VILL: variants seen among roughly 807,000 people sequenced by gnomAD.
The protein encoded by VILL is villin-like protein.
Under a neutral mutation model 106.3 loss-of-function variants are expected in VILL, and 102 were observed. The ratio of observed to expected loss-of-function variants is 0.96; its 90% CI spans 0.82 to 1.13. VILL has a LOEUF of 1.13. VILL is among the 50% of genes most tolerant of loss of function. VILL has a pLI of 0.00. For missense variants in VILL, 1,076 were observed against 1,116.6 expected (o/e 0.96, Z 0.52); for synonymous variants, 431 against 440.3 (o/e 0.98, Z 0.27).
intron 14 of VILL, chr3:38,002,960 C>T (rs542547774): frequency 2.7e-5 from 17 of 624,984 alleles, no homozygotes; most frequent in African/African-American, 2.2e-4. Flanking sequence ...CTGGACCCTG[C>T]GAGGGTCCCA....
At position 37,993,725 on chromosome 3, in the gene VILL, T is replaced by A. The variant is rs778785030; in HGVS notation, c.53T>A (p.Ile18Asn). The A allele has an allele frequency of 1.9e-6, 3 of 1,614,052 alleles. No homozygotes were observed. Among genetic ancestry groups the A allele is most frequent in the South Asian group, 2.2e-5 (2 of 91,072 alleles). Residue 18 changes from isoleucine to asparagine, a missense_variant, in exon 2 of 20, where the codon ATC (isoleucine) becomes AAC (asparagine). Ile to Asn is a moderately radical substitution (Grantham distance 149, BLOSUM62 -3). Coordinates refer to ENST00000383759, the MANE Select transcript of VILL (RefSeq NM_015873.4). ...PGMQGGLHIW[I>N]SENRKMVPVP... ...ATGCAGGGAGGCCTCCACATATGGA[T>A]CTCTGAGGTGAGAGGCACGACCAAA...
upstream of VILL, among the ~76,000 whole-genome samples, chr3:37,990,324 A>G (rs1699593821): frequency 6.6e-6 from 1 of 152,038 alleles, no homozygotes; most frequent in African/African-American, 2.4e-5. This position sits in a 1 kb window ranked among gnomAD's most constrained non-coding sequence, Gnocchi z 5.1. Flanking sequence ...AGCCCTGACC[A>G]CCTTCCCCTC....
intron 11 of VILL, among the ~76,000 whole-genome samples, chr3:37,999,833 G>A (rs1019381323): frequency 6.6e-6 from 1 of 152,070 alleles, no homozygotes; most frequent in African/African-American, 2.4e-5. Context: ...ACATGACCAC[G>A]GTCACACACA....
intron 16 of VILL, among the ~76,000 whole-genome samples, chr3:38,005,561 G>GA (rs59354509): frequency 0.032 from 4,804 of 150,276 alleles, 119 homozygotes; most frequent in South Asian, 0.069. Flanking sequence ...AATCATGCAA[G>GA]AAAAAAAAAA....
chr3:37,997,608 C>G lies in VILL; in HGVS notation c.687C>G (p.Arg229=). The change falls in exon 7 of 20, where the codon CGC becomes CGG. Residue 229 remains arginine (R), a synonymous_variant. Coordinates refer to ENST00000383759, the MANE Select transcript of VILL (RefSeq NM_015873.4). The surrounding 1 kb of genome is among the most constrained non-coding windows in gnomAD (Gnocchi z 4.7). ...AGATCATGGAGGCTGTGCTGGGCCGCAGGGTGGGCAGCCTGCGTGCCGCCA... is the reference window on the plus strand; with the variant it reads ...AGATCATGGAGGCTGTGCTGGGCCGGAGGGTGGGCAGCCTGCGTGCCGCCA... ...LMQIMEAVLG[R]RVGSLRAATP... is the part of the protein sequence containing the mutation. The G allele has an allele frequency of 6.2e-7, 1 of 1,612,968 alleles. No individual in the cohort carries two copies.
At position 38,001,691 on chromosome 3, in the gene VILL, C is replaced by T. The variant is rs1699819183; in HGVS notation, c.1321-11C>T. 1 of 1,614,116 alleles carries T rather than the reference C, an allele frequency of 6.2e-7. No homozygotes were observed. ...CTGGGCCAGGCCCTCACTCACTGCCCCCACCTGCAGGGCCACCAGGCCACT... is the reference window on the plus strand; with the variant it reads ...CTGGGCCAGGCCCTCACTCACTGCCTCCACCTGCAGGGCCACCAGGCCACT... On this transcript the variant is annotated splice_polypyrimidine_tract_variant and intron_variant, in intron 12 of 19. Transcript: ENST00000383759.
upstream of VILL, chr3:37,988,345 G>A (rs927642676): frequency 6.6e-6 from 1 of 152,056 alleles, no homozygotes; most frequent in Non-Finnish European, 1.5e-5. Flanking sequence ...GGGGTGATGT[G>A]AGCGGGTTTA....
Position 37,997,097 on chromosome 3 carries a change from C to G in VILL, c.471C>G (p.Ser157Arg). Residue 157 changes from serine (S) to arginine (R), a missense_variant, in exon 6 of 20, where the codon AGC becomes AGG. Transcript: ENST00000383759. This position sits in a 1 kb window ranked among gnomAD's most constrained non-coding sequence, Gnocchi z 4.7. ...GGCAGGTGGAGCTCTCCTGGAACAG[C>G]TTTAATAAGGGTGACATCTTCCTGC... ...SATEVELSWN[S>R]FNKGDIFLLD... 2 of 1,614,090 alleles carry G rather than the reference C, an allele frequency of 1.2e-6. No homozygotes were observed. Among genetic ancestry groups the G allele is most frequent in the Non-Finnish European group, 1.7e-6 (2 of 1,180,002 alleles).
In VILL at chr3:37,997,198, G is replaced by T. The variant is rs771488543; in HGVS notation, c.561+11G>T. The T allele has an allele frequency of 1.2e-6, 2 of 1,612,996 alleles. No individual in the cohort carries two copies. On this transcript the variant is annotated intron_variant, in intron 6 of 19. Transcript: ENST00000383759. This position sits in a 1 kb window ranked among gnomAD's most constrained non-coding sequence, Gnocchi z 4.7. ...TCTGAGAAGGCTCGGGTCAGTGTCT[G>T]CCCAAGGAACTGGGGAGTACGGGGC...
Position 37,997,768 on chromosome 3 carries a change from T to A in VILL, c.764+83T>A. On this transcript the variant is annotated intron_variant, in intron 7 of 19. Transcript: ENST00000383759. This position sits in a 1 kb window ranked among gnomAD's most constrained non-coding sequence, Gnocchi z 4.7. ...CACTACTGCAATAACACGGCATCTC[T>A]AGAAGGCCCTCCAGCAAAGGCTGCT... 2 of 1,420,998 alleles carry A rather than the reference T, an allele frequency of 1.4e-6. No individual in the cohort carries two copies. Among genetic ancestry groups the A allele is most frequent in the Non-Finnish European group, 1.9e-6 (2 of 1,051,710 alleles). The allele number at this position is 1,420,998 out of a possible 1,614,324, so 88.0% of individuals were successfully genotyped here.
At position 37,994,444 on chromosome 3, in the gene VILL, A is replaced by G. The variant is rs775261305; in HGVS notation, c.319A>G (p.Ser107Gly). 1 of 1,612,578 alleles carries G rather than the reference A, an allele frequency of 6.2e-7. No homozygotes were observed. The highest frequency in any genetic ancestry group is 1.1e-5 in the South Asian group (1 of 91,064). ...AQGHESDCFC[S>G]YFRPGIIYRK... ...GGGCCACGAGTCCGACTGCTTCTGC[A>G]GCTACTTCCGCCCGGGAATCATGTG... is the stretch of plus-strand genomic sequence containing the variant. Residue 107 changes from serine (S) to glycine (G), a missense_variant, in exon 4 of 20, where the codon AGC (serine) becomes GGC (glycine). Transcript: ENST00000383759.
In VILL at chr3:38,006,209, A is replaced by T; in HGVS notation, c.2162A>T (p.Asp721Val). 2 of 1,614,168 alleles carry T rather than the reference A, an allele frequency of 1.2e-6. No individual in the cohort carries two copies. The highest frequency in any genetic ancestry group is 8.5e-7 in the Non-Finnish European group (1 of 1,180,008). The change falls in exon 18 of 20, where the codon GAT becomes GTT. Residue 721 changes from aspartate to valine, a missense_variant. Coordinates refer to ENST00000383759, the MANE Select transcript of VILL (RefSeq NM_015873.4). ...CACCCGTCCCACAAGGAAGTGGTGG[A>T]TGGCAGCCCGGCAGCAGCATCAACC... The part of the protein sequence containing the change: ...TSHPSHKEVV[D>V]GSPAAASTIS...
At position 37,997,349 on chromosome 3, in the gene VILL, C is replaced by G. The variant is rs1699721631; in HGVS notation, c.562-134C>G. The G allele has an allele frequency of 1.7e-6, 2 of 1,171,030 alleles. No homozygotes were observed. Among genetic ancestry groups the G allele is most frequent in the South Asian group, 2.8e-5 (2 of 71,770 alleles). The allele number at this position is 1,171,030 out of a possible 1,614,324, so 72.5% of individuals were successfully genotyped here. On this transcript the variant is annotated intron_variant, in intron 6 of 19. Transcript: ENST00000383759. The surrounding 1 kb of genome is among the most constrained non-coding windows in gnomAD (Gnocchi z 4.7). ...AGTTCAGACCCTGCATTGTTGGTGT[C>G]CCCCTGGATGCCAGGATGAGGGGAC...
Position 37,994,352 on chromosome 3 carries a change from C to T in VILL, c.227C>T (p.Ala76Val). Residue 76 changes from alanine (A) to valine (V), a missense_variant, in exon 4 of 20, where the codon GCG becomes GTG. Physicochemically the swap from Ala to Val is moderately conservative, Grantham distance 64. Coordinates refer to ENST00000383759, the MANE Select transcript of VILL (RefSeq NM_015873.4). ...KQAGAEAQGA[A>V]EAFQQRLQDE... The stretch of plus-strand genomic sequence containing the variant: ...GCGGGTGCGGAAGCGCAGGGCGCTG[C>T]GGAGGCCTTCCAGCAGCGCCTACAG... The T allele has an allele frequency of 3.7e-6, 6 of 1,611,404 alleles. No individual in the cohort carries two copies. The highest frequency in any genetic ancestry group is 4.2e-6 in the Non-Finnish European group (5 of 1,179,602).
intron 11 of VILL, 86 bp from the exon 12 acceptor site, chr3:38,001,369 TG>T: frequency 6.4e-7 from 1 of 1,571,028 alleles, no homozygotes. Context: ...CCTCAGAGGC[TG>T]GGGAGAGCTT....
upstream of VILL, among the ~76,000 whole-genome samples, chr3:37,989,698 A>G (rs772518072): frequency 1.3e-5 from 2 of 152,182 alleles, no homozygotes; most frequent in Admixed American, 6.5e-5. Context: ...GCACAGGTAC[A>G]GTGGACACAC....
intron 13 of VILL, 34 bp downstream of exon 13, chr3:38,001,894 G>T: frequency 6.2e-7 from 1 of 1,613,742 alleles, no homozygotes; most frequent in Non-Finnish European, 8.5e-7. Context: ...GCCACAGCCT[G>T]CCCAGTTCTG....
In VILL at chr3:37,994,466, T is replaced by C. The variant is rs370420875; in HGVS notation, c.341T>C (p.Ile114Thr). 6.2e-7 allele frequency: 1 copy of C among 1,611,986 alleles called. No individual in the cohort carries two copies. Among genetic ancestry groups the C allele is most frequent in the African/African-American group, 1.3e-5 (1 of 75,006 alleles). Residue 114 changes from isoleucine (I) to threonine (T), a missense_variant and splice_region_variant, in exon 4 of 20, where the codon ATC becomes ACC. Coordinates refer to ENST00000383759, the MANE Select transcript of VILL (RefSeq NM_015873.4). ...TGCAGCTACTTCCGCCCGGGAATCA[T>C]GTGAGTGCGGGGGCGACCGGGGCAG... The part of the protein sequence containing the change: ...CFCSYFRPGI[I>T]YRKGGLASDL...
intron 4 of VILL, 136 bp downstream of exon 4, chr3:37,994,602 C>A: frequency 4.4e-6 from 4 of 900,648 alleles, no homozygotes; most frequent in African/African-American, 1.7e-5. Flanking sequence ...TATTGAGATA[C>A]AACTCATACG....
Sources: allele counts gnomAD v4.1 joint callset (sites outside exome capture counted in the v4.1 genomes callset), GRCh38; gene constraint gnomAD v4.1.1; non-coding constraint Gnocchi (gnomAD v3.1); transcripts MANE v1.5; gene names NCBI Gene and HGNC (gene_info 2026-07-23, HGNC 2026-07-21).